Variants in OTOGL observed in about 807,000 individuals in gnomAD.
OTOGL encodes the protein otogelin-like protein.
OTOGL carries 285 observed loss-of-function variants against 318.5 expected under a neutral mutation model. That is an observed-to-expected ratio of 0.89 (90% CI 0.81 to 0.99). The LOEUF is 0.99. Ranked by LOEUF, OTOGL falls within the 50% of genes least tolerant of loss-of-function variation. The pLI is 0.00. For synonymous variants in OTOGL, 987 were observed against 936.5 expected, an observed-to-expected ratio of 1.05 and a Z score of -0.99; for missense variants, 2,899 against 2,845.6, an observed-to-expected ratio of 1.02 and a Z score of -0.43.
At chr12:80,121,155 T>A (rs1264086112) in intron 1 of OTOGL, among the ~76,000 whole-genome samples, 1 of 152,176 alleles carries the variant, frequency 6.6e-6, no homozygotes, top group Non-Finnish European at 1.5e-5. Flanking sequence ...CTCTGCCCTG[T>A]CCTGCTTTCC....
chr12:80,251,545 A>G, intron 11 of OTOGL, 148 bp from the exon 12 acceptor site: 1 of 541,798 alleles, frequency 1.8e-6, no homozygotes, highest in Non-Finnish European at 3.2e-6. Flanking sequence ...GTACTTAATA[A>G]GATATATTAT....
chr12:80,218,795 C>CTTT (rs34204072), intron 5 of OTOGL, among the ~76,000 whole-genome samples: 22 of 118,212 alleles, frequency 1.9e-4, no homozygotes, highest in East Asian at 4.6e-4. Flanking sequence ...CTTTTTCTTT[C>CTTT]TTTTTTTTTT....
At chr12:80,208,272 T>G (rs371553737) in intron 1 of OTOGL, 5 of 508,296 alleles carry the variant, frequency 9.8e-6, no homozygotes, top group African/African-American at 1.9e-5. Context: ...AACAGGAAAC[T>G]GTTTATATAA....
At chr12:80,108,169 A>G (rs1287249015) in intron 1 of OTOGL, among the ~76,000 whole-genome samples, 2 of 152,160 alleles carry the variant, frequency 1.3e-5, no homozygotes, top group African/African-American at 2.4e-5. Flanking sequence ...TTATTTTTAC[A>G]TTTAGTCATT....
intron 18 of OTOGL, among the ~76,000 whole-genome samples, chr12:80,261,060 G>A (rs143121542): frequency 2.0e-3 from 302 of 152,208 alleles, no homozygotes; most frequent in Non-Finnish European, 3.3e-3. Flanking sequence ...AATGGCTTGC[G>A]TTGCTCCCTT....
chr12:80,153,439 A>G (rs961271271), intron 1 of OTOGL, among the ~76,000 whole-genome samples: 2 of 152,144 alleles, frequency 1.3e-5, no homozygotes, highest in African/African-American at 4.8e-5. Flanking sequence ...TTTGTGGGAG[A>G]CACATTTAAT....
rs138019671 is a variant in OTOGL, at chr12:80,251,064, A to G, written c.1053-629A>G. ...TTAAATCTTAAATGCCATTTATTCAATCTTTCAAACAACCCAATTGCCCAT... is the reference window on the plus strand; with the variant it reads ...TTAAATCTTAAATGCCATTTATTCAGTCTTTCAAACAACCCAATTGCCCAT... On this transcript the variant is annotated intron_variant, in intron 11 of 58. Coordinates refer to ENST00000547103, the MANE Select transcript of OTOGL (RefSeq NM_001378609.3). Among the ~76,000 whole-genome samples the G allele has an allele frequency of 6.3e-3, 954 of 152,372 alleles. 5 individuals carry two copies. Among genetic ancestry groups the G allele is most frequent in the Admixed American group, 0.021 (317 of 15,298 alleles).
rs756841334 is a variant in OTOGL at position 80,339,125 on chromosome 12, G to C, written c.4911G>C (p.Leu1637=). ...VVPLPFSSQE[L]SIEDSGSMYV... ...CTTTGCCCTTTTCAAGTCAGGAACT[G>C]TCCATAGAGGATTCTGGTTCAATGT... is the stretch of plus-strand genomic sequence containing the variant. The change falls in exon 43 of 59, where the codon CTG becomes CTC. Residue 1637 remains leucine, a synonymous_variant. Transcript: ENST00000547103. The C allele has an allele frequency of 6.2e-6, 10 of 1,611,606 alleles. No individual in the cohort carries two copies. In the Admixed American group the frequency reaches 1.5e-4, roughly 24 times the overall value.
At chr12:80,115,922 A>T (rs1357195060) in intron 1 of OTOGL, among the ~76,000 whole-genome samples, 1 of 152,126 alleles carries the variant, frequency 6.6e-6, no homozygotes, top group African/African-American at 2.4e-5. Context: ...CAGTGTCCCA[A>T]GTTGACTTCA....
chr12:80,294,551 TTATTA>T (rs1399039197), intron 26 of OTOGL, among the ~76,000 whole-genome samples: 1 of 152,168 alleles, frequency 6.6e-6, no homozygotes, highest in Non-Finnish European at 1.5e-5. Flanking sequence ...TTAATGACCC[TTATTA>T]TTTCTCAAAA....
chr12:80,161,463 A>G (rs1202724504), intron 1 of OTOGL, among the ~76,000 whole-genome samples: 2 of 152,144 alleles, frequency 1.3e-5, no homozygotes, highest in Non-Finnish European at 2.9e-5. Context: ...CATTAAACTA[A>G]GTAGGCTGGC....
intron 1 of OTOGL, among the ~76,000 whole-genome samples, chr12:80,147,847 A>C (rs1390148381): frequency 2.0e-5 from 3 of 152,042 alleles, no homozygotes; most frequent in Admixed American, 6.6e-5. Flanking sequence ...ATTGGTTTAA[A>C]GTCTGTTTTA....
intron 26 of OTOGL, among the ~76,000 whole-genome samples, chr12:80,284,575 C>T (rs558787689): frequency 1.3e-5 from 2 of 152,168 alleles, no homozygotes; most frequent in African/African-American, 2.4e-5. Context: ...ACCATTCTAA[C>T]TGGTGTGAGA....
intron 52 of OTOGL, among the ~76,000 whole-genome samples, chr12:80,364,605 C>T (rs1890419125): frequency 6.6e-6 from 1 of 152,046 alleles, no homozygotes; most frequent in African/African-American, 2.4e-5. Flanking sequence ...GAAATCTCTA[C>T]TCTACTTTCT....
chr12:80,272,163 T>A (rs1400085148), intron 24 of OTOGL, among the ~76,000 whole-genome samples: 1 of 152,030 alleles, frequency 6.6e-6, no homozygotes, highest in Admixed American at 6.6e-5. Flanking sequence ...TGATGTGAAG[T>A]TGTAATAGTG....
intron 10 of OTOGL, 109 bp from the exon 11 acceptor site, chr12:80,239,224 T>G: frequency 2.0e-6 from 2 of 1,003,546 alleles, no homozygotes; most frequent in Non-Finnish European, 2.8e-6. Context: ...AGTTACCATC[T>G]TTTTCCTTGT....
intron 24 of OTOGL, among the ~76,000 whole-genome samples, chr12:80,274,869 A>G (rs1450351569): frequency 1.3e-5 from 2 of 152,000 alleles, no homozygotes; most frequent in Admixed American, 1.3e-4. Flanking sequence ...CCTGGGTGGC[A>G]GCACGTCTGT....
intron 1 of OTOGL, among the ~76,000 whole-genome samples, chr12:80,180,482 TGC>T: frequency 6.6e-6 from 1 of 152,224 alleles, no homozygotes; most frequent in Non-Finnish European, 1.5e-5. Flanking sequence ...GAGAGGAGTT[TGC>T]AAAGGCCTCT....
intron 1 of OTOGL, among the ~76,000 whole-genome samples, chr12:80,138,389 T>G: frequency 6.6e-6 from 1 of 152,216 alleles, no homozygotes; most frequent in South Asian, 2.1e-4. Flanking sequence ...TCTAAGCTGA[T>G]TTTAGCACAG....
Sources: allele counts gnomAD v4.1 joint callset (sites outside exome capture counted in the v4.1 genomes callset), GRCh38; gene constraint gnomAD v4.1.1; transcripts MANE v1.5; gene names NCBI Gene and HGNC (gene_info 2026-07-23, HGNC 2026-07-21).